DOP1B: variants seen among roughly 807,000 people sequenced by gnomAD.
The protein encoded by DOP1B is DOP1 leucine zipper like protein B.
Under a neutral mutation model 233.5 loss-of-function variants are expected in DOP1B, and 174 were observed. The observed-to-expected ratio is 0.75, with a 90% confidence interval of 0.66 to 0.85. DOP1B has a LOEUF of 0.85. DOP1B is among the 40% of genes least tolerant of loss of function. The pLI, the probability that DOP1B is intolerant of heterozygous loss-of-function variation, is 0.00. For synonymous variants in DOP1B, 1,190 were observed against 1,185.6 expected (o/e 1.00, Z -0.08); for missense variants, 2,652 against 2,846.6 (o/e 0.93, Z 1.56).
chr21:36,229,868 G>A (rs1198718600), intron 13 of DOP1B, among the ~76,000 whole-genome samples: 1 of 151,480 alleles, frequency 6.6e-6, no homozygotes, highest in East Asian at 2.0e-4. Flanking sequence ...TCACCATGTT[G>A]GCCATGCTGG....
intron 18 of DOP1B, 63 bp from the exon 19 acceptor site, chr21:36,244,985 T>C: frequency 1.3e-6 from 2 of 1,490,746 alleles, no homozygotes; most frequent in South Asian, 2.7e-5. Context: ...AAGACCGCCC[T>C]ACAGCTAATG....
rs2067523819 is a variant in DOP1B at position 36,289,089 on chromosome 21, CAAA to C, written c.6399_6401del (p.Asn2134del). 1 of 1,613,484 alleles carries C rather than the reference CAAA, an allele frequency of 6.2e-7. No individual in the cohort carries two copies. The highest frequency in any genetic ancestry group is 8.5e-7 in the Non-Finnish European group (1 of 1,179,912). On this transcript the variant is annotated inframe_deletion, in exon 35 of 37. Coordinates refer to ENST00000691173, the MANE Select transcript of DOP1B (RefSeq NM_001320714.2). Reference sequence around the variant, plus strand: ...AGAACGAAAGTTTCAGTCCCGGATGCAAATGGACCCTCAGTGGGGGAGATACCC... The same window carrying C: ...AGAACGAAAGTTTCAGTCCCGGATGCTGGACCCTCAGTGGGGGAGATACCC...
intron 12 of DOP1B, among the ~76,000 whole-genome samples, chr21:36,227,449 A>G (rs2066704523): frequency 6.6e-6 from 1 of 151,586 alleles, no homozygotes; most frequent in South Asian, 2.1e-4. Context: ...CGGGAGGCTG[A>G]GGCAGGAGAA....
intron 5 of DOP1B, among the ~76,000 whole-genome samples, chr21:36,210,654 C>CA (rs1163413642): frequency 6.6e-6 from 1 of 150,542 alleles, no homozygotes; most frequent in Non-Finnish European, 1.5e-5. Flanking sequence ...GAAAAACAAA[C>CA]AAAAAAAATT....
intron 2 of DOP1B, among the ~76,000 whole-genome samples, chr21:36,174,597 T>C (rs1477519990): frequency 6.6e-6 from 1 of 152,230 alleles, no homozygotes; most frequent in Non-Finnish European, 1.5e-5. Context: ...CTCTGCCTCC[T>C]GGGCTCAGGC....
At chr21:36,268,501 A>C (rs1172094900) in intron 26 of DOP1B, among the ~76,000 whole-genome samples, 1 of 152,236 alleles carries the variant, frequency 6.6e-6, no homozygotes, top group Non-Finnish European at 1.5e-5. Context: ...TAACACAATT[A>C]TCACAGTGGT....
intron 27 of DOP1B, among the ~76,000 whole-genome samples, chr21:36,275,618 CA>C (rs111840768): frequency 0.014 from 1,912 of 132,234 alleles, 44 homozygotes; most frequent in African/African-American, 0.043. Flanking sequence ...GAACTTGTCT[CA>C]AAAAAAAAAA....
intron 2 of DOP1B, among the ~76,000 whole-genome samples, chr21:36,188,177 A>G (rs1429499882): frequency 6.6e-6 from 1 of 152,180 alleles, no homozygotes; most frequent in South Asian, 2.1e-4. Context: ...TTAGGGTTCA[A>G]CTGACTTAGG....
At chr21:36,240,202 A>G (rs1483263519) in intron 18 of DOP1B, among the ~76,000 whole-genome samples, 1 of 152,154 alleles carries the variant, frequency 6.6e-6, no homozygotes, top group African/African-American at 2.4e-5. Flanking sequence ...AAAGTTGGCC[A>G]GGCACGGTGG....
rs1172730528 is a variant in DOP1B at position 36,201,345 on chromosome 21, C to CTTTTTTTTTTTTTTTTTTTTTTT, written c.491+864_491+865insTTTTTTTTTTTTTTTTTTTTTTT. 8.9e-4 allele frequency among the ~76,000 whole-genome samples: 74 copies of CTTTTTTTTTTTTTTTTTTTTTTT among 83,256 alleles called. 9 individuals carry two copies. The highest frequency in any genetic ancestry group is 2.4e-3 in the East Asian group (7 of 2,938). 54.6% of individuals were successfully genotyped at this position (83,256 alleles called of 152,430 possible). A position where few individuals can be genotyped will look rare whatever the true frequency, so the allele number is the denominator to read the frequency against. On this transcript the variant is annotated intron_variant, in intron 4 of 36. Coordinates refer to ENST00000691173, the MANE Select transcript of DOP1B (RefSeq NM_001320714.2). Reference sequence around the variant, plus strand: ...TCTATTCCACTGTATCTATTGGATTCTTTTTTTTTTTTTTTTTTTTGAGAC... The same window carrying CTTTTTTTTTTTTTTTTTTTTTTT: ...TCTATTCCACTGTATCTATTGGATTCTTTTTTTTTTTTTTTTTTTTTTTTTTTTTTTTTTTTTTTTTTTGAGAC...
At chr21:36,196,981 C>T (rs922401028) in intron 2 of DOP1B, among the ~76,000 whole-genome samples, 2 of 150,092 alleles carry the variant, frequency 1.3e-5, no homozygotes, top group Non-Finnish European at 2.9e-5. Context: ...CTCACCCTGT[C>T]GCCCAGGCTA....
chr21:36,275,455 C>G (rs1278373063), intron 27 of DOP1B, among the ~76,000 whole-genome samples: 1 of 151,782 alleles, frequency 6.6e-6, no homozygotes, highest in African/African-American at 2.4e-5. Context: ...AGTGAAAAAT[C>G]CCCATCTCTA....
chr21:36,199,038 T>G (rs1429324890), intron 2 of DOP1B, 32 bp from the exon 3 acceptor site: 1 of 1,598,958 alleles, frequency 6.3e-7, no homozygotes, highest in Non-Finnish European at 8.5e-7. Flanking sequence ...GCTGCCTTCT[T>G]CCTCATGTGT....
At position 36,263,165 on chromosome 21, in the gene DOP1B, C is replaced by T. The variant is rs146598825; in HGVS notation, c.5316-381C>T. On this transcript the variant is annotated intron_variant, in intron 24 of 36. Coordinates refer to ENST00000691173, the MANE Select transcript of DOP1B (RefSeq NM_001320714.2). ...AGGAGAATCGCTTGAACCTGGGAGG[C>T]GAAGGATGCAGTGAGCCGAGATCAC... 3.8e-3 allele frequency among the ~76,000 whole-genome samples: 527 copies of T among 139,418 alleles called. 2 individuals are homozygous for T. Among genetic ancestry groups the T allele is most frequent in the Middle Eastern group, 0.016 (4 of 252 alleles). The allele number at this position is 139,418 out of a possible 152,430, so 91.5% of individuals were successfully genotyped here. A position where few individuals can be genotyped will look rare whatever the true frequency, so the allele number is the denominator to read the frequency against.
At chr21:36,291,247 C>G (rs527761239) in intron 35 of DOP1B, among the ~76,000 whole-genome samples, 1 of 151,232 alleles carries the variant, frequency 6.6e-6, no homozygotes, top group Non-Finnish European at 1.5e-5. Context: ...GGCGAAAGAG[C>G]GAAACTGCAT....
In DOP1B at chr21:36,230,885, A is replaced by G; in HGVS notation, c.2101A>G (p.Thr701Ala). 1 of 1,614,110 alleles carries G rather than the reference A, an allele frequency of 6.2e-7. No homozygotes were observed. The highest frequency in any genetic ancestry group is 8.5e-7 in the Non-Finnish European group (1 of 1,179,998). ...QFKQMLSDLF[T>A]ARGSPFKTKS... ...CAAGCAGATGCTGTCAGACTTGTTC[A>G]CAGCACGAGGGTCTCCATTCAAGAC... is the stretch of plus-strand genomic sequence containing the variant. The change falls in exon 14 of 37, where the codon ACA becomes GCA. Residue 701 changes from threonine (T) to alanine (A), a missense_variant. Around this residue, in one of 3 missense-constraint regions of DOP1B, gnomAD observed 2,617 missense variants for 2,794.3 expected, o/e 0.94. Coordinates refer to ENST00000691173, the MANE Select transcript of DOP1B (RefSeq NM_001320714.2).
At chr21:36,237,115 T>C in intron 15 of DOP1B, 147 bp from the exon 16 acceptor site, 1 of 1,129,550 alleles carries the variant, frequency 8.9e-7, no homozygotes, top group Non-Finnish European at 1.3e-6. Flanking sequence ...TATTTGTTGG[T>C]GATTTGTCTC....
intron 21 of DOP1B, among the ~76,000 whole-genome samples, chr21:36,250,050 A>AAC: frequency 6.6e-6 from 1 of 152,250 alleles, no homozygotes. Context: ...GGCTGTGGCT[A>AAC]GCATCCTGTC....
At chr21:36,184,185 A>T (rs568212059) in intron 2 of DOP1B, among the ~76,000 whole-genome samples, 435 of 152,158 alleles carry the variant, frequency 2.9e-3, no homozygotes, top group Non-Finnish European at 4.8e-3. Context: ...AGTAGCTGGG[A>T]TTACAGATGT....
Sources: allele counts gnomAD v4.1 joint callset (sites outside exome capture counted in the v4.1 genomes callset), GRCh38; gene constraint gnomAD v4.1.1; regional missense constraint gnomAD v4.1.1; transcripts MANE v1.5; gene names NCBI Gene and HGNC (gene_info 2026-07-23, HGNC 2026-07-21).